HERC1: variants seen among roughly 807,000 people sequenced by gnomAD.
HERC1 encodes HECT and RLD domain containing E3 ubiquitin protein ligase family member 1.
Under a neutral mutation model 554.3 loss-of-function variants are expected in HERC1, and 160 were observed. That is an observed-to-expected ratio of 0.29 (90% confidence interval 0.25 to 0.33). The LOEUF (loss-of-function observed/expected upper bound fraction) is 0.33. Among genes scored for constraint, HERC1 ranks in the 10% least tolerant of loss-of-function variants. The pLI, the probability that HERC1 is intolerant of heterozygous loss-of-function variation, is 1.00. For missense variants in HERC1, 4,919 were observed against 5,918.5 expected (o/e 0.83, Z 5.54); for synonymous variants, 2,175 against 2,131.7 (o/e 1.02, Z -0.56).
intron 24 of HERC1, among the ~76,000 whole-genome samples, chr15:63,710,462 A>G (rs577501988): frequency 6.6e-6 from 1 of 152,360 alleles, no homozygotes; most frequent in Admixed American, 6.5e-5. Flanking sequence ...TTATAAATTT[A>G]AAAATAATTT....
At chr15:63,810,791 C>A (rs1008023648) in intron 1 of HERC1, among the ~76,000 whole-genome samples, 2 of 152,126 alleles carry the variant, frequency 1.3e-5, no homozygotes, top group Admixed American at 6.5e-5. Flanking sequence ...AAGAAATAAT[C>A]TGGTGATAGT....
intron 1 of HERC1, among the ~76,000 whole-genome samples, chr15:63,823,370 TTTTG>T (rs1369015711): frequency 6.6e-6 from 1 of 152,218 alleles, no homozygotes; most frequent in Non-Finnish European, 1.5e-5. Context: ...ATGTAGAAGA[TTTTG>T]TTTATTTCAT....
In HERC1 at chr15:63,742,572, C is replaced by A. The variant is rs7169472; in HGVS notation, c.2520+4346G>T. On this transcript the variant is annotated intron_variant, in intron 12 of 77. Transcript: ENST00000443617. Reference sequence around the variant, plus strand: ...TGATCTTAGGGGGAAGGTTTTCAGTCTTTCTCCATTGAATATGATATTAAC... The same window carrying A: ...TGATCTTAGGGGGAAGGTTTTCAGTATTTCTCCATTGAATATGATATTAAC... 4.7e-3 allele frequency among the ~76,000 whole-genome samples: 713 copies of A among 152,244 alleles called. 10 individuals carry two copies. Among genetic ancestry groups the A allele is most frequent in the African/African-American group, 0.016 (685 of 41,548 alleles).
At position 63,698,773 on chromosome 15, in the gene HERC1, G is replaced by T; in HGVS notation, c.4860C>A (p.Pro1620=). 6.2e-7 allele frequency: 1 copy of T among 1,613,896 alleles called. No homozygotes were observed. The highest frequency in any genetic ancestry group is 8.5e-7 in the Non-Finnish European group (1 of 1,179,816). The change falls in exon 26 of 78, where the codon CCC becomes CCA. Residue 1620 remains proline (P), a synonymous_variant. Coordinates refer to ENST00000443617, the MANE Select transcript of HERC1 (RefSeq NM_003922.4). ...GTTCCATTGCAATGATGGAGGCCTG[G>T]GGACTTGTAGACATACTTTCCTCTG... is the stretch of plus-strand genomic sequence containing the variant. ...KEPEESMSTS[P]QASIIAMEQQ...
At chr15:63,787,110 G>A (rs780595827) in intron 1 of HERC1, among the ~76,000 whole-genome samples, 7 of 151,740 alleles carry the variant, frequency 4.6e-5, no homozygotes, top group Non-Finnish European at 1.0e-4. Context: ...ACAAAGTGCT[G>A]GGATTACAGG....
intron 51 of HERC1, among the ~76,000 whole-genome samples, chr15:63,653,354 A>C (rs377685003): frequency 2.0e-5 from 3 of 151,974 alleles, no homozygotes; most frequent in African/African-American, 7.3e-5. Context: ...GAGGCAGGAG[A>C]ATCACTTGAA....
chr15:63,812,795 G>A (rs779967806), intron 1 of HERC1, among the ~76,000 whole-genome samples: 24 of 151,824 alleles, frequency 1.6e-4, no homozygotes, highest in African/African-American at 2.2e-4. Context: ...AATAATAAAC[G>A]AAAAAATTAT....
intron 1 of HERC1, among the ~76,000 whole-genome samples, chr15:63,790,706 CCTTT>C (rs972063457): frequency 1.3e-5 from 2 of 151,932 alleles, no homozygotes; most frequent in African/African-American, 2.4e-5. Flanking sequence ...GTTATGTTTC[CCTTT>C]CTTTAAGTTT....
In HERC1 at chr15:63,808,329, C is replaced by T. The variant is rs73457142; in HGVS notation, c.-27+25498G>A. 1.9e-3 allele frequency among the ~76,000 whole-genome samples: 296 copies of T among 152,242 alleles called. 1 individual carries two copies. The highest frequency in any genetic ancestry group is 6.8e-3 in the African/African-American group (284 of 41,546). ...AAGAAACAGGGTCTTGCTCTGTTGC[C>T]TAGATTAGACTGCAGTGGCACAATC... is the stretch of plus-strand genomic sequence containing the variant. On this transcript the variant is annotated intron_variant, in intron 1 of 77. Coordinates refer to ENST00000443617, the MANE Select transcript of HERC1 (RefSeq NM_003922.4).
intron 37 of HERC1, among the ~76,000 whole-genome samples, chr15:63,676,511 C>T (rs1015357506): frequency 3.9e-5 from 6 of 152,064 alleles, no homozygotes; most frequent in Admixed American, 3.3e-4. Flanking sequence ...AATCTCAGCA[C>T]TTTGGGAGGC....
chr15:63,763,433 G>A (rs546192010), intron 3 of HERC1, among the ~76,000 whole-genome samples: 5 of 152,232 alleles, frequency 3.3e-5, no homozygotes, highest in Admixed American at 6.5e-5. Flanking sequence ...AGAAACATAA[G>A]GAACTGCATC....
intron 1 of HERC1, among the ~76,000 whole-genome samples, chr15:63,810,063 T>G (rs2077253917): frequency 6.6e-6 from 1 of 152,074 alleles, no homozygotes. Flanking sequence ...TTAAAATGAA[T>G]GAGGAAGATC....
chr15:63,716,663 T>C (rs759073607), intron 21 of HERC1, among the ~76,000 whole-genome samples, 190 bp from the exon 22 acceptor site: 2 of 152,158 alleles, frequency 1.3e-5, no homozygotes, highest in Non-Finnish European at 2.9e-5. Flanking sequence ...ACAAAATATA[T>C]AGACACATAT....
At chr15:63,829,493 TATATATACAC>T (rs1567171603) in intron 1 of HERC1, among the ~76,000 whole-genome samples, 1 of 62,666 alleles carries the variant, frequency 1.6e-5, no homozygotes, top group South Asian at 4.6e-4. Context: ...TATATATATA[TATATATACAC>T]ACACACACAT....
chr15:63,804,037 G>A (rs1035688116), intron 1 of HERC1, among the ~76,000 whole-genome samples: 3 of 152,070 alleles, frequency 2.0e-5, no homozygotes, highest in Admixed American at 1.3e-4. Context: ...AATAGGAAAA[G>A]GATAATCTTT....
chr15:63,787,179 T>A (rs2076482624), intron 1 of HERC1, among the ~76,000 whole-genome samples: 1 of 151,718 alleles, frequency 6.6e-6, no homozygotes, highest in South Asian at 2.1e-4. Context: ...ATTTTTGAGA[T>A]GGAGTCTCAC....
At chr15:63,809,181 T>C (rs1460253841) in intron 1 of HERC1, among the ~76,000 whole-genome samples, 1 of 152,182 alleles carries the variant, frequency 6.6e-6, no homozygotes, top group Non-Finnish European at 1.5e-5. Context: ...CACAATAGTA[T>C]CAACCACTGA....
intron 1 of HERC1, among the ~76,000 whole-genome samples, chr15:63,833,221 T>C (rs1052989518): frequency 1.3e-4 from 20 of 152,182 alleles, no homozygotes; most frequent in South Asian, 6.2e-4. Flanking sequence ...GCAAAGGCTT[T>C]ATAATTTGTT....
chr15:63,729,065 G>A (rs533657487), intron 16 of HERC1, among the ~76,000 whole-genome samples, 171 bp downstream of exon 16: 2 of 151,990 alleles, frequency 1.3e-5, no homozygotes, highest in South Asian at 4.1e-4. Context: ...CTCTTTCTAA[G>A]ACCAATCACT....
Sources: allele counts gnomAD v4.1 joint callset (sites outside exome capture counted in the v4.1 genomes callset), GRCh38; gene constraint gnomAD v4.1.1; transcripts MANE v1.5; gene names NCBI Gene and HGNC (gene_info 2026-07-23, HGNC 2026-07-21).